STK3: variants seen among roughly 807,000 people sequenced by gnomAD.
STK3 encodes serine/threonine-protein kinase 3.
Under a neutral mutation model 58.0 loss-of-function variants are expected in STK3, and 41 were observed. The ratio of observed to expected loss-of-function variants is 0.71; its 90% CI spans 0.55 to 0.92. The LOEUF is 0.92. STK3 is among the 40% of genes least tolerant of loss of function. The probability of loss-of-function intolerance (pLI) is 0.00; values close to 1 mark genes in which losing one functional copy is unlikely to be tolerated. For missense variants in STK3, 479 were observed against 602.7 expected (o/e 0.79, Z 2.15); for synonymous variants, 170 against 191.0 (o/e 0.89, Z 0.91).
intron 4 of STK3, among the ~76,000 whole-genome samples, chr8:98,746,990 T>C (rs183019162): frequency 1.3e-5 from 2 of 151,216 alleles, no homozygotes; most frequent in East Asian, 3.9e-4. Flanking sequence ...TGCAGTGAAC[T>C]GTGATCACAC....
At chr8:98,904,020 G>A (rs1328343432) in intron 1 of STK3, among the ~76,000 whole-genome samples, 2 of 152,056 alleles carry the variant, frequency 1.3e-5, no homozygotes, top group South Asian at 2.1e-4. Flanking sequence ...TGTTAGAAAT[G>A]TTTATTTGTC....
chr8:98,874,453 G>T (rs1436088035), intron 3 of STK3, among the ~76,000 whole-genome samples: 1 of 152,056 alleles, frequency 6.6e-6, no homozygotes, highest in Non-Finnish European at 1.5e-5. Context: ...GTTGTTTTAA[G>T]CCACCAAGTT....
chr8:98,846,381 C>T (rs1166117126), intron 3 of STK3, among the ~76,000 whole-genome samples: 2 of 152,204 alleles, frequency 1.3e-5, no homozygotes, highest in Non-Finnish European at 2.9e-5. Context: ...CAAACCATGA[C>T]ACAGGCATTC....
At chr8:98,703,408 T>C (rs989503764) in intron 6 of STK3, among the ~76,000 whole-genome samples, 2 of 151,982 alleles carry the variant, frequency 1.3e-5, no homozygotes, top group African/African-American at 4.8e-5. Flanking sequence ...CAAAAAAAAA[T>C]GTTGGTAAAA....
intron 6 of STK3, among the ~76,000 whole-genome samples, chr8:98,684,802 A>C (rs1823874529): frequency 6.6e-6 from 1 of 152,320 alleles, no homozygotes; most frequent in South Asian, 2.1e-4. Flanking sequence ...TATAGATTCA[A>C]GTTGCAAATC....
intron 4 of STK3, among the ~76,000 whole-genome samples, chr8:98,713,821 CA>C (rs1010122410): frequency 0.018 from 2,676 of 145,368 alleles, 75 homozygotes; most frequent in African/African-American, 0.064. Context: ...AGAGACACAA[CA>C]AAAAAAAAAG....
intron 3 of STK3, among the ~76,000 whole-genome samples, chr8:98,831,968 T>G (rs1187938548): frequency 1.3e-5 from 2 of 152,224 alleles, no homozygotes; most frequent in Non-Finnish European, 2.9e-5. Flanking sequence ...TCAAAATGAT[T>G]TTTAAAACAA....
intron 4 of STK3, among the ~76,000 whole-genome samples, chr8:98,740,441 A>C (rs547349990): frequency 6.6e-6 from 1 of 152,356 alleles, no homozygotes; most frequent in East Asian, 1.9e-4. Context: ...GCCAATATTC[A>C]AGATTATTAA....
intron 10 of STK3, among the ~76,000 whole-genome samples, chr8:98,493,698 A>T (rs973906091): frequency 6.6e-6 from 1 of 152,132 alleles, no homozygotes; most frequent in Non-Finnish European, 1.5e-5. Context: ...ACAATCCAGA[A>T]ATCTCTAGCC....
intron 3 of STK3, among the ~76,000 whole-genome samples, chr8:98,425,098 T>A (rs1260641388): frequency 6.6e-6 from 1 of 152,172 alleles, no homozygotes; most frequent in Non-Finnish European, 1.5e-5. Context: ...ATAAATGCAC[T>A]GAAGCACACA....
At position 98,605,241 on chromosome 8, in the gene STK3, G is replaced by A. The variant is rs149988203; in HGVS notation, c.685-9072C>T. Among the ~76,000 whole-genome samples, 180 of 152,024 alleles carry A rather than the reference G, an allele frequency of 1.2e-3. 1 individual carries two copies. The highest frequency in any genetic ancestry group is 4.1e-3 in the African/African-American group (172 of 41,462). On this transcript the variant is annotated intron_variant, in intron 6 of 10. Transcript: ENST00000419617. ...CTTTATAGCAATGCCCTACTCCTTG[G>A]CACTGATTTTCTGTATTGGTCTATT...
chr8:98,821,304 G>A (rs2131732722), intron 1 of STK3, among the ~76,000 whole-genome samples: 1 of 152,194 alleles, frequency 6.6e-6, no homozygotes, highest in Non-Finnish European at 1.5e-5. Flanking sequence ...GATGATCTGA[G>A]GTGGAAGTTT....
rs1161890517 is a variant in STK3 at position 98,774,826 on chromosome 8, TA to T, written c.27-8del. The stretch of plus-strand genomic sequence containing the variant: ...ACTCAGCTTTTTTAGTTTACTGATT[TA>T]AAAAAGAAAGAAGAAAGAAAATATT... On this transcript the variant is annotated splice_polypyrimidine_tract_variant and splice_region_variant and intron_variant, in intron 1 of 10. Coordinates refer to ENST00000419617, the MANE Select transcript of STK3 (RefSeq NM_006281.4). 5.2e-6 allele frequency: 8 copies of T among 1,532,142 alleles called. No homozygotes were observed. 94.9% of individuals were successfully genotyped at this position (1,532,142 alleles called of 1,614,324 possible). A position where few individuals can be genotyped will look rare whatever the true frequency, so the allele number is the denominator to read the frequency against.
chr8:98,588,604 T>C (rs1814913407), intron 7 of STK3, among the ~76,000 whole-genome samples: 1 of 152,150 alleles, frequency 6.6e-6, no homozygotes, highest in African/African-American at 2.4e-5. Flanking sequence ...AGGAGTATCT[T>C]TATGGCGTTC....
intron 1 of STK3, among the ~76,000 whole-genome samples, chr8:98,940,583 C>T (rs953722135): frequency 6.6e-6 from 1 of 152,094 alleles, no homozygotes; most frequent in African/African-American, 2.4e-5. Context: ...CGACCCTCAG[C>T]TCCCGCAGAC....
chr8:98,408,748 G>A (rs1818024497), intron 3 of STK3, among the ~76,000 whole-genome samples: 1 of 152,246 alleles, frequency 6.6e-6, no homozygotes, highest in South Asian at 2.1e-4. Flanking sequence ...CAAGTTGACT[G>A]TGGGTTCCCG....
At chr8:98,398,736 A>G (rs1476976727), downstream of STK3, among the ~76,000 whole-genome samples, 5 of 152,226 alleles carry the variant, frequency 3.3e-5, no homozygotes, top group African/African-American at 1.2e-4. Context: ...AGTCACTCCC[A>G]GCCTCGGGCA....
At chr8:98,760,386 T>C (rs1164154767) in intron 3 of STK3, among the ~76,000 whole-genome samples, 4 of 152,210 alleles carry the variant, frequency 2.6e-5, no homozygotes, top group African/African-American at 9.6e-5. Context: ...GTGACCCTCC[T>C]GCTTTGGCCT....
At chr8:98,511,706 A>G (rs1824529730) in intron 10 of STK3, among the ~76,000 whole-genome samples, 2 of 152,138 alleles carry the variant, frequency 1.3e-5, no homozygotes, top group African/African-American at 2.4e-5. Context: ...CAATCTGAAC[A>G]CAGAACACAG....
Sources: gnomAD v4.1 joint callset for allele counts (sites outside exome capture counted in the v4.1 genomes callset) on GRCh38, gnomAD v4.1.1 for gene constraint, MANE v1.5 for transcripts, NCBI Gene and HGNC (gene_info 2026-07-23, HGNC 2026-07-21) for gene names.